ALG5: variants seen among roughly 807,000 people sequenced by gnomAD.
The protein encoded by ALG5 is dolichyl-phosphate beta-glucosyltransferase.
A neutral mutation model predicts 51.8 loss-of-function variants in ALG5; 26 were observed. That is an observed-to-expected ratio of 0.50 (90% CI 0.37 to 0.70). The LOEUF is 0.70. ALG5 is among the 30% of genes least tolerant of loss of function. ALG5 has a pLI of 0.00. For synonymous variants in ALG5, 141 were observed against 136.1 expected (o/e 1.04, Z -0.25); for missense variants, 311 against 399.3 (o/e 0.78, Z 1.88).
chr13:36,973,565 A>T (rs905260345), intron 6 of ALG5, among the ~76,000 whole-genome samples: 3 of 152,212 alleles, frequency 2.0e-5, no homozygotes, highest in Non-Finnish European at 2.9e-5. Flanking sequence ...AGTACAAAAA[A>T]CCAGAAGACT....
Position 36,992,453 on chromosome 13 carries a change from T to C in ALG5, c.354+1151A>G, listed in dbSNP as rs139533010. ...GTGAACTAATAAGACTTTACTATGT[T>C]AGGATGAAAAGCTCCCTCTAGAGTA... On this transcript the variant is annotated intron_variant, in intron 4 of 9. Transcript: ENST00000239891. Among the ~76,000 whole-genome samples, 235 of 152,308 alleles carry C rather than the reference T, an allele frequency of 1.5e-3. 1 individual carries two copies. The highest frequency in any genetic ancestry group is 5.5e-3 in the African/African-American group (227 of 41,576).
At position 36,992,021 on chromosome 13, in the gene ALG5, C is replaced by T. The variant is rs191235671; in HGVS notation, c.354+1583G>A. Among the ~76,000 whole-genome samples, 12 of 152,234 alleles carry T rather than the reference C, an allele frequency of 7.9e-5. 1 individual carries two copies. Among genetic ancestry groups the T allele is most frequent in the Admixed American group, 3.9e-4 (6 of 15,272 alleles). ...GTGGCCATTTTGTGATGAAGGAATG[C>T]GTGAGACTGAAAATGATATGGATCT... On this transcript the variant is annotated intron_variant, in intron 4 of 9. Coordinates refer to ENST00000239891, the MANE Select transcript of ALG5 (RefSeq NM_013338.5).
Position 36,970,278 on chromosome 13 carries a change from T to C in ALG5, c.621+1699A>G, listed in dbSNP as rs373950505. On this transcript the variant is annotated intron_variant, in intron 7 of 9. Coordinates refer to ENST00000239891, the MANE Select transcript of ALG5 (RefSeq NM_013338.5). ...CATCAGTGAGAATCTCTAGGATACA[T>C]AGAATACTAGACTAGGTGCTAGTAA... 5.9e-5 allele frequency among the ~76,000 whole-genome samples: 9 copies of C among 152,098 alleles called. No homozygotes were observed. The East Asian group carries it at 9.7e-4, about 16-fold the overall frequency.
chr13:36,953,244 C>T (rs1303822300), intron 8 of ALG5, among the ~76,000 whole-genome samples: 1 of 152,180 alleles, frequency 6.6e-6, no homozygotes, highest in Non-Finnish European at 1.5e-5. Flanking sequence ...TATTGTCTTA[C>T]TTGTCCTAAT....
At chr13:36,989,157 A>C (rs927316432) in intron 5 of ALG5, among the ~76,000 whole-genome samples, 4 of 152,230 alleles carry the variant, frequency 2.6e-5, no homozygotes, top group African/African-American at 9.6e-5. Context: ...ACCTTCATCA[A>C]GGTAAAACTT....
intron 8 of ALG5, among the ~76,000 whole-genome samples, chr13:36,963,657 C>T (rs1566058938): frequency 6.6e-6 from 1 of 151,854 alleles, no homozygotes; most frequent in Non-Finnish European, 1.5e-5. Flanking sequence ...CTAATGTAGA[C>T]TACTTAAAAT....
At chr13:36,989,863 AAAC>A (rs375006196) in intron 4 of ALG5, among the ~76,000 whole-genome samples, 25 of 152,300 alleles carry the variant, frequency 1.6e-4, no homozygotes, top group Middle Eastern at 3.4e-3. Context: ...GCTAAAAAAC[AAAC>A]AACAACAACA....
At chr13:36,974,032 C>T (rs1218769255) in intron 6 of ALG5, among the ~76,000 whole-genome samples, 1 of 152,176 alleles carries the variant, frequency 6.6e-6, no homozygotes, top group East Asian at 1.9e-4. Flanking sequence ...AGAGTTTAAT[C>T]ATTTCAGTAT....
chr13:36,967,651 G>A (rs2058901174), intron 7 of ALG5: 7 of 405,308 alleles, frequency 1.7e-5, no homozygotes, highest in South Asian at 1.3e-4. Flanking sequence ...TTAGTTATGG[G>A]TTGATGTAAA....
chr13:36,963,524 T>C (rs1297719049), intron 8 of ALG5, among the ~76,000 whole-genome samples: 1 of 152,178 alleles, frequency 6.6e-6, no homozygotes, highest in Non-Finnish European at 1.5e-5. Context: ...AAATAGCTAA[T>C]GCAGACAGAG....
chr13:36,965,528 T>A (rs751463439), intron 8 of ALG5, 47 bp downstream of exon 8: 4 of 1,557,846 alleles, frequency 2.6e-6, no homozygotes, highest in African/African-American at 1.4e-5. Context: ...ACCTAGAAGA[T>A]GGCTGGGTCA....
chr13:36,969,521 T>TTTTA (rs759883964), intron 7 of ALG5, among the ~76,000 whole-genome samples: 88 of 151,872 alleles, frequency 5.8e-4, no homozygotes, highest in African/African-American at 1.5e-3. Flanking sequence ...TTTTTATTTA[T>TTTTA]TTTATTTATT....
chr13:36,959,774 A>T (rs2058857548), intron 8 of ALG5, among the ~76,000 whole-genome samples: 1 of 151,816 alleles, frequency 6.6e-6, no homozygotes, highest in African/African-American at 2.4e-5. Flanking sequence ...TTTTTTTTTC[A>T]CATGCAAGGA....
At chr13:36,998,929 T>G in intron 1 of ALG5, 3 of 292,490 alleles carry the variant, frequency 1.0e-5, no homozygotes, top group East Asian at 5.6e-5. Flanking sequence ...AGGAGGTGGG[T>G]AGGGGGCGCG....
chr13:36,997,386 T>C (rs2059055739), intron 1 of ALG5, among the ~76,000 whole-genome samples: 1 of 142,544 alleles, frequency 7.0e-6, no homozygotes, highest in South Asian at 2.2e-4. Flanking sequence ...GGCAGGAGAA[T>C]TGCTTGAGGG....
intron 7 of ALG5, among the ~76,000 whole-genome samples, chr13:36,968,245 A>G (rs1566060256): frequency 6.6e-6 from 1 of 152,270 alleles, no homozygotes; most frequent in South Asian, 2.1e-4. Flanking sequence ...GGCCATTTAA[A>G]ACATTAAGGA....
chr13:36,961,475 A>G (rs2058866530), intron 8 of ALG5, among the ~76,000 whole-genome samples: 2 of 152,314 alleles, frequency 1.3e-5, no homozygotes, highest in Middle Eastern at 3.4e-3. Context: ...TAAGTAACCT[A>G]GAGATGATTT....
At chr13:36,970,030 T>C (rs1357520922) in intron 7 of ALG5, among the ~76,000 whole-genome samples, 2 of 149,546 alleles carry the variant, frequency 1.3e-5, no homozygotes, top group Non-Finnish European at 3.0e-5. Flanking sequence ...TCTACTACAA[T>C]TTTATATATA....
chr13:36,992,275 A>T (rs1352869888), intron 4 of ALG5, among the ~76,000 whole-genome samples: 3 of 152,182 alleles, frequency 2.0e-5, no homozygotes, highest in Non-Finnish European at 4.4e-5. Flanking sequence ...ACATCTTTGT[A>T]TTTTAGTGCC....
Sources: gnomAD v4.1 joint callset for allele counts (sites outside exome capture counted in the v4.1 genomes callset) on GRCh38, gnomAD v4.1.1 for gene constraint, MANE v1.5 for transcripts, NCBI Gene and HGNC (gene_info 2026-07-23, HGNC 2026-07-21) for gene names.